The following ERCC8 variants were observed in gnomAD, a reference collection of about 807,000 sequenced individuals.
ERCC8 encodes the protein ERCC excision repair 8, CSA ubiquitin ligase complex subunit.
In ERCC8, 52 loss-of-function variants were observed where a neutral mutation model predicts 54.9. That is an observed-to-expected ratio of 0.95 (90% CI 0.76 to 1.19). ERCC8 has a LOEUF of 1.19. ERCC8 is among the 50% of genes most tolerant of loss of function. ERCC8 has a pLI of 0.00. For missense variants in ERCC8, 514 were observed against 466.1 expected (o/e 1.10, Z -0.95); for synonymous variants, 146 against 157.2 (o/e 0.93, Z 0.53).
intron 4 of ERCC8, among the ~76,000 whole-genome samples, chr5:60,913,379 T>G (rs1419903733): frequency 6.6e-6 from 1 of 152,172 alleles, no homozygotes; most frequent in African/African-American, 2.4e-5. Context: ...CTGATTTGCA[T>G]AGAGGTGTTT....
In ERCC8 at chr5:60,871,529, TAAC is replaced by T. The variant is rs1482104125; in HGVS notation, c.*3083_*3085del. On this transcript the variant is annotated 3_prime_UTR_variant, in exon 12 of 12. Coordinates refer to ENST00000676185, the MANE Select transcript of ERCC8 (RefSeq NM_000082.4). Reference sequence around the variant, plus strand: ...TAATGTGGAAAGAGAGGGGTGTTTATAACAACAGCTTGTTGAACATCCCATTAT... The same window carrying T: ...TAATGTGGAAAGAGAGGGGTGTTTATAACAGCTTGTTGAACATCCCATTAT... Among the ~76,000 whole-genome samples the T allele has an allele frequency of 6.6e-6, 1 of 152,196 alleles. No homozygotes were observed. The highest frequency in any genetic ancestry group is 1.5e-5 in the Non-Finnish European group (1 of 68,030).
At chr5:60,933,221 T>C (rs113937386) in intron 1 of ERCC8, among the ~76,000 whole-genome samples, 70 of 131,282 alleles carry the variant, frequency 5.3e-4, no homozygotes, top group African/African-American at 1.7e-3. Flanking sequence ...TTTTTCTTTT[T>C]TTTTTTTTTT....
rs568604182 is a variant in ERCC8, at chr5:60,870,987, T to A, written c.*3628A>T. ...CCTACAAAGGGAAAAAAAACCAAAG[T>A]GGCTTTGGAATTCTCAACTGCAATA... On this transcript the variant is annotated 3_prime_UTR_variant, in exon 12 of 12. Coordinates refer to ENST00000676185, the MANE Select transcript of ERCC8 (RefSeq NM_000082.4). Among the ~76,000 whole-genome samples, 20 of 152,084 alleles carry A rather than the reference T, an allele frequency of 1.3e-4. No homozygotes were observed. The highest frequency in any genetic ancestry group is 2.6e-4 in the Non-Finnish European group (18 of 68,008).
At chr5:60,929,013 T>C (rs952085468) in intron 1 of ERCC8, 54 bp from the exon 2 acceptor site, 2 of 1,111,048 alleles carry the variant, frequency 1.8e-6, no homozygotes, top group African/African-American at 3.1e-5. Flanking sequence ...CATTTAAAAA[T>C]TTCTTATTTA....
chr5:60,892,722 C>T, intron 9 of ERCC8: 1 of 692,512 alleles, frequency 1.4e-6, no homozygotes, highest in Non-Finnish European at 2.7e-6. Context: ...CAGGATGGTG[C>T]CCACCTCTGA....
chr5:60,895,822 T>C (rs1748707903), intron 9 of ERCC8, among the ~76,000 whole-genome samples: 1 of 152,246 alleles, frequency 6.6e-6, no homozygotes, highest in Non-Finnish European at 1.5e-5. Flanking sequence ...CACCTAGTTA[T>C]AAAACTTATG....
intron 1 of ERCC8, among the ~76,000 whole-genome samples, chr5:60,936,534 T>G (rs944972735): frequency 1.3e-5 from 2 of 152,214 alleles, no homozygotes; most frequent in Admixed American, 6.5e-5. Flanking sequence ...ATTTCTGCTC[T>G]GATCTTGGTT....
chr5:60,890,071 A>G (rs959511289), intron 10 of ERCC8, among the ~76,000 whole-genome samples: 1 of 152,144 alleles, frequency 6.6e-6, no homozygotes, highest in Non-Finnish European at 1.5e-5. Flanking sequence ...ATATATTTTA[A>G]TAATGAATAC....
intron 2 of ERCC8, among the ~76,000 whole-genome samples, chr5:60,923,918 T>C (rs911597138): frequency 6.6e-6 from 1 of 152,194 alleles, no homozygotes; most frequent in Non-Finnish European, 1.5e-5. Context: ...TCATGATTTT[T>C]ATCGTAGTCA....
Position 60,873,445 on chromosome 5 carries a change from C to T in ERCC8, c.*1170G>A, listed in dbSNP as rs537118851. On this transcript the variant is annotated 3_prime_UTR_variant, in exon 12 of 12. Coordinates refer to ENST00000676185, the MANE Select transcript of ERCC8 (RefSeq NM_000082.4). ...ATTCCAGCACTTTGAGAGGCCGAGG[C>T]GGGTGGATCATTTGAGGTCAGCAGT... Among the ~76,000 whole-genome samples the T allele has an allele frequency of 4.9e-4, 74 of 152,190 alleles. 2 individuals are homozygous for T. The South Asian group carries it at 0.015, about 30-fold the overall frequency.
chr5:60,889,143 T>C (rs529467579), intron 10 of ERCC8, among the ~76,000 whole-genome samples: 24 of 152,358 alleles, frequency 1.6e-4, no homozygotes, highest in African/African-American at 5.5e-4. Flanking sequence ...ACAGAAGTGA[T>C]GTCCCATAAC....
At chr5:60,909,243 G>GAAAAAAAAA (rs60064294) in intron 4 of ERCC8, among the ~76,000 whole-genome samples, 7 of 19,948 alleles carry the variant, frequency 3.5e-4, no homozygotes, top group Non-Finnish European at 4.4e-4. Context: ...GCCCTATTCT[G>GAAAAAAAAA]AAAAAAAAAA....
At chr5:60,921,110 A>T (rs1749587556) in intron 3 of ERCC8, among the ~76,000 whole-genome samples, 1 of 151,908 alleles carries the variant, frequency 6.6e-6, no homozygotes. Flanking sequence ...TTTAATTCTC[A>T]TAGAAACGTA....
intron 2 of ERCC8, 56 bp downstream of exon 2, chr5:60,928,808 G>T: frequency 1.0e-6 from 1 of 968,856 alleles, no homozygotes; most frequent in East Asian, 2.4e-5. Context: ...GAAAAAGCAG[G>T]TTTTACTGCA....
chr5:60,887,760 C>T (rs1324067314), intron 10 of ERCC8, among the ~76,000 whole-genome samples: 1 of 152,116 alleles, frequency 6.6e-6, no homozygotes, highest in East Asian at 1.9e-4. Flanking sequence ...ATTTTACAAA[C>T]ACACCCCAAA....
intron 9 of ERCC8, among the ~76,000 whole-genome samples, chr5:60,896,917 A>AG (rs1748740327): frequency 3.3e-5 from 5 of 152,110 alleles, no homozygotes; most frequent in Non-Finnish European, 7.4e-5. Flanking sequence ...TGATCCTGTC[A>AG]CTTCTCCACT....
At chr5:60,935,771 C>T (rs1750045436) in intron 1 of ERCC8, among the ~76,000 whole-genome samples, 1 of 152,114 alleles carries the variant, frequency 6.6e-6, no homozygotes, top group Non-Finnish European at 1.5e-5. Context: ...TTGTCAGATG[C>T]TTTTTCTGCA....
intron 2 of ERCC8, among the ~76,000 whole-genome samples, chr5:60,926,443 T>C (rs558964045): frequency 1.1e-4 from 16 of 152,336 alleles, no homozygotes; most frequent in African/African-American, 3.8e-4. Context: ...TATTGATTTA[T>C]AGACTTGTTT....
intron 4 of ERCC8, among the ~76,000 whole-genome samples, chr5:60,910,575 T>C (rs367600615): frequency 2.4e-4 from 37 of 152,312 alleles, no homozygotes; most frequent in African/African-American, 8.7e-4. Context: ...AAGTTCTCTG[T>C]GTATTCGGAA....
Sources: gnomAD v4.1 joint callset for allele counts (sites outside exome capture counted in the v4.1 genomes callset) on GRCh38, gnomAD v4.1.1 for gene constraint, MANE v1.5 for transcripts, NCBI Gene and HGNC (gene_info 2026-07-23, HGNC 2026-07-21) for gene names.